Variants in TRIM50 observed in about 807,000 individuals in gnomAD.
TRIM50 encodes E3 ubiquitin-protein ligase TRIM50.
Under a neutral mutation model 44.9 loss-of-function variants are expected in TRIM50, and 34 were observed. The ratio of observed to expected loss-of-function variants is 0.76; its 90% CI spans 0.58 to 1.01. The LOEUF (loss-of-function observed/expected upper bound fraction) is 1.01. TRIM50 is among the 50% of genes least tolerant of loss of function. The pLI, the probability that TRIM50 is intolerant of heterozygous loss-of-function variation, is 0.00. For missense variants in TRIM50, 633 were observed against 663.7 expected (o/e 0.95, Z 0.51); for synonymous variants, 307 against 291.1 (o/e 1.05, Z -0.56).
Position 73,312,659 on chromosome 7 carries a change from G to C in TRIM50, c.*262C>G. 2.0e-6 allele frequency: 1 copy of C among 496,048 alleles called. No homozygotes were observed. Among genetic ancestry groups the C allele is most frequent in the South Asian group, 3.5e-5 (1 of 28,632 alleles). 30.7% of individuals were successfully genotyped at this position (496,048 alleles called of 1,614,324 possible). A position where few individuals can be genotyped will look rare whatever the true frequency, so the allele number is the denominator to read the frequency against. ...CGGAAGCGTCTGCGCAGATAGCATGGTTAGCAAGTGGCAGGAACCATGGGG... is the reference window on the plus strand; with the variant it reads ...CGGAAGCGTCTGCGCAGATAGCATGCTTAGCAAGTGGCAGGAACCATGGGG... On this transcript the variant is annotated 3_prime_UTR_variant, in exon 7 of 7. Coordinates refer to ENST00000333149, the MANE Select transcript of TRIM50 (RefSeq NM_178125.3).
At chr7:73,321,312 G>T (rs1389027319) in intron 2 of TRIM50, among the ~76,000 whole-genome samples, 1 of 152,148 alleles carries the variant, frequency 6.6e-6, no homozygotes, top group Non-Finnish European at 1.5e-5. Flanking sequence ...GCACTTCCTG[G>T]ATTGAATGCT....
chr7:73,316,255 G>A (rs1441291176), intron 6 of TRIM50, among the ~76,000 whole-genome samples: 1 of 152,160 alleles, frequency 6.6e-6, no homozygotes, highest in Non-Finnish European at 1.5e-5. Flanking sequence ...CATTTATGAA[G>A]CACTAAGCTG....
chr7:73,327,723 G>A (rs556226421), intron 1 of TRIM50, among the ~76,000 whole-genome samples, 177 bp downstream of exon 1: 92 of 152,278 alleles, frequency 6.0e-4, no homozygotes, highest in African/African-American at 2.1e-3. Context: ...CTTCAAGGGC[G>A]GCAGCCCTGT....
intron 2 of TRIM50, among the ~76,000 whole-genome samples, chr7:73,323,843 C>G (rs1382163607): frequency 6.6e-6 from 1 of 152,166 alleles, no homozygotes; most frequent in Non-Finnish European, 1.5e-5. Flanking sequence ...GAGTTCAACA[C>G]CAGCCTGGGC....
Position 73,318,703 on chromosome 7 carries a change from G to A in TRIM50, c.733C>T (p.His245Tyr), listed in dbSNP as rs1554544483. The A allele has an allele frequency of 6.2e-7, 1 of 1,613,916 alleles. No individual in the cohort carries two copies. Among genetic ancestry groups the A allele is most frequent in the South Asian group, 1.1e-5 (1 of 91,076 alleles). The change falls in exon 5 of 7, where the codon CAC becomes TAC. Residue 245 changes from histidine to tyrosine, a missense_variant. By Grantham distance (83) the His-to-Tyr change is moderately conservative. Transcript: ENST00000333149. ...GGTTATTACCTGGAGGCCATGGAGT[G>A]GAACTTCTGGAAGGCAAGAGAGAGG... ...EDHHKFIRKF[H>Y]SMASRAEMPQ...
chr7:73,318,806 C>T lies in TRIM50; in HGVS notation c.726+16G>A, dbSNP rs782596245. 4.4e-5 allele frequency: 71 copies of T among 1,613,804 alleles called. No homozygotes were observed. Among genetic ancestry groups the T allele is most frequent in the Non-Finnish European group, 5.6e-5 (66 of 1,179,868 alleles). On this transcript the variant is annotated intron_variant, in intron 4 of 6. Transcript: ENST00000333149. ...CCTGGCGGGTATGGGGATGGGACGC[C>T]TCCCTGTCCACTCACCCGGATGAAC...
At chr7:73,314,229 G>C (rs1804305649) in intron 6 of TRIM50, 2 of 336,552 alleles carry the variant, frequency 5.9e-6, no homozygotes, top group South Asian at 6.4e-5. Context: ...TTTGGCACTG[G>C]ACAGGACTTC....
At chr7:73,317,478 C>T (rs1451836237) in intron 5 of TRIM50, among the ~76,000 whole-genome samples, 1 of 151,608 alleles carries the variant, frequency 6.6e-6, no homozygotes, top group Non-Finnish European at 1.5e-5. Context: ...ATGCCTCAGC[C>T]TCCCCAGCAG....
chr7:73,319,183 G>C, intron 3 of TRIM50, 131 bp from the exon 4 acceptor site: 1 of 1,476,320 alleles, frequency 6.8e-7, no homozygotes, highest in Non-Finnish European at 9.2e-7. Flanking sequence ...GAGGCTGCAT[G>C]GCCTGGCGCC....
At chr7:73,316,862 C>T (rs1264979990) in intron 5 of TRIM50, 173 bp from the exon 6 acceptor site, 1 of 969,496 alleles carries the variant, frequency 1.0e-6, no homozygotes, top group South Asian at 1.9e-5. Flanking sequence ...GACCCATCTC[C>T]TTCCTAGAAG....
intron 2 of TRIM50, among the ~76,000 whole-genome samples, chr7:73,323,731 C>T (rs547021281): frequency 6.6e-6 from 1 of 152,276 alleles, no homozygotes; most frequent in South Asian, 2.1e-4. Context: ...AGAGTGCAAA[C>T]AGGGGAGTGT....
intron 2 of TRIM50, among the ~76,000 whole-genome samples, chr7:73,321,451 C>T (rs1804493540): frequency 6.6e-6 from 1 of 152,194 alleles, no homozygotes; most frequent in South Asian, 2.1e-4. Flanking sequence ...GTGGTGCTCA[C>T]ACGGGCCTGG....
intron 5 of TRIM50, among the ~76,000 whole-genome samples, 177 bp downstream of exon 5, chr7:73,318,510 G>A (rs188928744): frequency 4.5e-4 from 69 of 152,228 alleles, no homozygotes; most frequent in African/African-American, 1.5e-3. Flanking sequence ...ACCCATCTAC[G>A]AGACCCTTGA....
intron 6 of TRIM50, 125 bp downstream of exon 6, chr7:73,316,440 C>T (rs1221334384): frequency 7.5e-7 from 1 of 1,338,406 alleles, no homozygotes; most frequent in Non-Finnish European, 1.0e-6. Flanking sequence ...CCCATGCTCT[C>T]ACTAGGACCC....
At chr7:73,323,557 T>C (rs2115769029) in intron 2 of TRIM50, among the ~76,000 whole-genome samples, 1 of 152,308 alleles carries the variant, frequency 6.6e-6, no homozygotes, top group Middle Eastern at 3.4e-3. Flanking sequence ...CAGCCAGGTA[T>C]TATTATTACT....
intron 2 of TRIM50, among the ~76,000 whole-genome samples, chr7:73,322,893 C>T (rs1451139421): frequency 1.3e-5 from 2 of 152,172 alleles, no homozygotes; most frequent in Non-Finnish European, 2.9e-5. Context: ...CCCCTCGACC[C>T]GACTGCACAT....
rs539719798 is a variant in TRIM50, at chr7:73,312,691, G to T, written c.*230C>A. The T allele has an allele frequency of 3.8e-6, 2 of 521,828 alleles. No homozygotes were observed. The highest frequency in any genetic ancestry group is 3.4e-6 in the Non-Finnish European group (1 of 297,608). 32.3% of individuals were successfully genotyped at this position (521,828 alleles called of 1,614,324 possible). ...AGTGGCAGGAACCATGGGGATTTCA[G>T]TGTGTCCCTGGCTGCCAAGGCCTGG... is the stretch of plus-strand genomic sequence containing the variant. On this transcript the variant is annotated 3_prime_UTR_variant, in exon 7 of 7. Transcript: ENST00000333149.
chr7:73,316,730 C>A, intron 5 of TRIM50, 41 bp from the exon 6 acceptor site: 1 of 1,601,852 alleles, frequency 6.2e-7, no homozygotes, highest in Non-Finnish European at 8.5e-7. Context: ...TGAGGTATCA[C>A]GTGGCCCACC....
intron 5 of TRIM50, among the ~76,000 whole-genome samples, chr7:73,317,850 T>C (rs1804396667): frequency 6.6e-6 from 1 of 152,218 alleles, no homozygotes; most frequent in African/African-American, 2.4e-5. Context: ...GCAGGGCTGA[T>C]ACTGCCTGCT....
Sources: gnomAD v4.1 joint callset for allele counts (sites outside exome capture counted in the v4.1 genomes callset) on GRCh38, gnomAD v4.1.1 for gene constraint, MANE v1.5 for transcripts, NCBI Gene and HGNC (gene_info 2026-07-23, HGNC 2026-07-21) for gene names.